The following ZNF732 variants were observed in gnomAD, a reference collection of about 807,000 sequenced individuals.
The protein encoded by ZNF732 is zinc finger protein LOC654254.
ZNF732 carries 12 observed loss-of-function variants against 11.5 expected under a neutral mutation model. That is an observed-to-expected ratio of 1.05 (90% CI 0.67 to 1.70). The LOEUF (loss-of-function observed/expected upper bound fraction) is 1.70, where lower values mean the gene tolerates loss of function less well. Among genes scored for constraint, ZNF732 ranks in the 40% most tolerant of loss-of-function variants. ZNF732 has a pLI of 0.00. For synonymous variants in ZNF732, 231 were observed against 236.5 expected, an observed-to-expected ratio of 0.98 and a Z score of 0.21; for missense variants, 702 against 676.9, an observed-to-expected ratio of 1.04 and a Z score of -0.41.
intron 3 of ZNF732, among the ~76,000 whole-genome samples, chr4:290,683 C>A (rs1347661841): frequency 6.6e-6 from 1 of 152,180 alleles, no homozygotes; most frequent in East Asian, 1.9e-4. Flanking sequence ...AACTTCAAAA[C>A]CCTAGCCTAC....
intron 3 of ZNF732, among the ~76,000 whole-genome samples, chr4:293,048 A>C (rs1553841578): frequency 7.4e-6 from 1 of 135,530 alleles, no homozygotes; most frequent in East Asian, 2.1e-4. Context: ...AGCCTGGGCA[A>C]CAGAGCAAGA....
chr4:278,456 AC>A (rs1719546856), intron 3 of ZNF732, among the ~76,000 whole-genome samples: 1 of 152,230 alleles, frequency 6.6e-6, no homozygotes, highest in Non-Finnish European at 1.5e-5. Context: ...ATATTCTGAC[AC>A]ATCTTTGTGG....
In ZNF732 at chr4:270,957, TCTTA is replaced by T; in HGVS notation, c.*138_*141del. On this transcript the variant is annotated 3_prime_UTR_variant, in exon 4 of 4. Coordinates refer to ENST00000419098, the MANE Select transcript of ZNF732 (RefSeq NM_001137608.3). ...TGTAGGGTTTTTCTCCAGTATGAAT[TCTTA>T]CTTTCATTCAGGGTTGTGGACCATC... 1 of 832,966 alleles carries T rather than the reference TCTTA, an allele frequency of 1.2e-6. No individual in the cohort carries two copies. The highest frequency in any genetic ancestry group is 2.0e-6 in the Non-Finnish European group (1 of 499,768). The allele number at this position is 832,966 out of a possible 1,614,324, so 51.6% of individuals were successfully genotyped here.
chr4:292,116 C>A (rs1293435048), intron 3 of ZNF732, among the ~76,000 whole-genome samples: 1 of 152,060 alleles, frequency 6.6e-6, no homozygotes, highest in East Asian at 1.9e-4. Context: ...TCCCGAAGAA[C>A]ATATATGGAA....
rs34118991 is a variant in ZNF732 at position 292,890 on chromosome 4, C to CAAAAAAA, written c.226+2541_226+2547dup. ...TGAAACTCTGTCTCTACTAAAAACA[C>CAAAAAAA]AAAAAAAAAAAAAAAAAAAAAAAAA... On this transcript the variant is annotated intron_variant, in intron 3 of 3. Transcript: ENST00000419098. Among the ~76,000 whole-genome samples, 26 of 79,504 alleles carry CAAAAAAA rather than the reference C, an allele frequency of 3.3e-4. 1 individual carries two copies. Among genetic ancestry groups the CAAAAAAA allele is most frequent in the African/African-American group, 9.3e-4 (19 of 20,376 alleles). 52.2% of individuals were successfully genotyped at this position (79,504 alleles called of 152,430 possible). A position where few individuals can be genotyped will look rare whatever the true frequency, so the allele number is the denominator to read the frequency against.
chr4:301,875 A>T (rs993296840), intron 1 of ZNF732, among the ~76,000 whole-genome samples: 21 of 152,242 alleles, frequency 1.4e-4, no homozygotes, highest in Non-Finnish European at 1.3e-4. Context: ...AATAAAAAAT[A>T]TATAGACAGA....
At chr4:295,641 T>C in intron 2 of ZNF732, 108 bp from the exon 3 acceptor site, 1 of 1,014,528 alleles carries the variant, frequency 9.9e-7, no homozygotes, top group Non-Finnish European at 1.4e-6. Context: ...ACATAATTAA[T>C]CCAAAAATTG....
chr4:301,518 C>T (rs1720117427), intron 1 of ZNF732, among the ~76,000 whole-genome samples: 1 of 152,194 alleles, frequency 6.6e-6, no homozygotes, highest in Non-Finnish European at 1.5e-5. Context: ...CACATATACA[C>T]CATGGAATAC....
At chr4:303,730 G>C (rs1720165004) in intron 1 of ZNF732, among the ~76,000 whole-genome samples, 1 of 152,314 alleles carries the variant, frequency 6.6e-6, no homozygotes, top group Middle Eastern at 3.4e-3. Flanking sequence ...ATTTGGGTTT[G>C]CTCCTGCAAC....
At chr4:279,491 A>G (rs1213599569) in intron 3 of ZNF732, among the ~76,000 whole-genome samples, 1 of 151,942 alleles carries the variant, frequency 6.6e-6, no homozygotes, top group African/African-American at 2.4e-5. Flanking sequence ...TAATTACACC[A>G]ATAAGAATAT....
Position 271,306 on chromosome 4 carries a change from C to A in ZNF732, c.1551G>T (p.Leu517=). ...CGKAFGWSTY[L]SKHKKIHTGE... ...CAGTATGAATTTTCTTATGTTTACT[C>A]AGGTATGTGGACCATCCAAAGGCTT... Residue 517 remains leucine, a synonymous_variant, in exon 4 of 4, where the codon CTG becomes CTT. Transcript: ENST00000419098. 6.2e-7 allele frequency: 1 copy of A among 1,600,666 alleles called. No homozygotes were observed. Among genetic ancestry groups the A allele is most frequent in the Non-Finnish European group, 8.5e-7 (1 of 1,172,754 alleles).
chr4:305,459 C>G lies in ZNF732; in HGVS notation c.-149G>C. ...GCCGTGGAGACCCTAACCGAGCTCACGCTGGCGCAAAAGGCAAAAGCCGCG... is the reference window on the plus strand; with the variant it reads ...GCCGTGGAGACCCTAACCGAGCTCAGGCTGGCGCAAAAGGCAAAAGCCGCG... On this transcript the variant is annotated 5_prime_UTR_variant, in exon 1 of 4. Coordinates refer to ENST00000419098, the MANE Select transcript of ZNF732 (RefSeq NM_001137608.3). The G allele has an allele frequency of 2.6e-6, 3 of 1,170,368 alleles. No individual in the cohort carries two copies. Among genetic ancestry groups the G allele is most frequent in the South Asian group, 1.4e-5 (1 of 69,508 alleles). 72.5% of individuals were successfully genotyped at this position (1,170,368 alleles called of 1,614,324 possible). A position where few individuals can be genotyped will look rare whatever the true frequency, so the allele number is the denominator to read the frequency against.
intron 3 of ZNF732, among the ~76,000 whole-genome samples, chr4:276,000 A>G (rs1553838630): frequency 2.0e-5 from 3 of 151,920 alleles, no homozygotes; most frequent in Admixed American, 2.0e-4. Flanking sequence ...ACTAAGCTGA[A>G]TATTTAAAAA....
chr4:277,712 C>A (rs1407873949), intron 3 of ZNF732, among the ~76,000 whole-genome samples: 2 of 151,816 alleles, frequency 1.3e-5, no homozygotes, highest in Non-Finnish European at 1.5e-5. Context: ...TATATTTAAA[C>A]AATCAACAAA....
At chr4:292,643 C>G (rs1719862201) in intron 3 of ZNF732, among the ~76,000 whole-genome samples, 1 of 151,076 alleles carries the variant, frequency 6.6e-6, no homozygotes, top group Non-Finnish European at 1.5e-5. Context: ...TGATGATAAG[C>G]CATTCAAAAA....
chr4:305,280 C>A, intron 1 of ZNF732, 28 bp downstream of exon 1: 1 of 1,604,688 alleles, frequency 6.2e-7, no homozygotes, highest in Non-Finnish European at 8.5e-7. Context: ...GCCTCCCCAG[C>A]CTTGGGACGC....
chr4:294,263 G>T (rs1244682026), intron 3 of ZNF732, among the ~76,000 whole-genome samples: 1 of 152,208 alleles, frequency 6.6e-6, no homozygotes, highest in Non-Finnish European at 1.5e-5. Context: ...GCCTCCCAAA[G>T]TGCTGGGATT....
At chr4:292,324 G>A (rs1242907993) in intron 3 of ZNF732, among the ~76,000 whole-genome samples, 3 of 152,058 alleles carry the variant, frequency 2.0e-5, no homozygotes, top group Non-Finnish European at 4.4e-5. Context: ...TTGGGAGGCC[G>A]AGGCGGGCAG....
At chr4:305,129 G>A (rs547141124) in intron 1 of ZNF732, among the ~76,000 whole-genome samples, 179 bp downstream of exon 1, 2 of 152,306 alleles carry the variant, frequency 1.3e-5, no homozygotes, top group Non-Finnish European at 2.9e-5. Flanking sequence ...TGCAGGCTGG[G>A]CCAAAGCCGC....
Sources: gnomAD v4.1 joint callset for allele counts (sites outside exome capture counted in the v4.1 genomes callset) on GRCh38, gnomAD v4.1.1 for gene constraint, MANE v1.5 for transcripts, NCBI Gene and HGNC (gene_info 2026-07-23, HGNC 2026-07-21) for gene names.